ELF1: variants seen among roughly 807,000 people sequenced by gnomAD.
ELF1 encodes E74 like ETS transcription factor 1, also known as ETS-related transcription factor Elf-1.
In ELF1, 24 loss-of-function variants were observed where a neutral mutation model predicts 59.9. The ratio of observed to expected loss-of-function variants is 0.40; its 90% CI spans 0.29 to 0.56. ELF1 has a LOEUF of 0.56. Among genes scored for constraint, ELF1 ranks in the 20% least tolerant of loss-of-function variants. The pLI, the probability that ELF1 is intolerant of heterozygous loss-of-function variation, is 0.44. For synonymous variants in ELF1, 248 were observed against 266.2 expected (o/e 0.93, Z 0.67); for missense variants, 627 against 742.2 (o/e 0.84, Z 1.80).
intron 2 of ELF1, among the ~76,000 whole-genome samples, chr13:40,976,623 C>A (rs1872920520): frequency 6.6e-6 from 1 of 152,170 alleles, no homozygotes; most frequent in South Asian, 2.1e-4. Flanking sequence ...CTCACTGCAA[C>A]CTCCACCTAC....
intron 1 of ELF1, among the ~76,000 whole-genome samples, chr13:40,987,636 C>T (rs562584535): frequency 9.9e-4 from 130 of 131,784 alleles, no homozygotes; most frequent in African/African-American, 3.6e-3. Flanking sequence ...ATCAATCAAA[C>T]AAAAAGGTTT....
intron 8 of ELF1, among the ~76,000 whole-genome samples, chr13:40,940,409 A>AAAAAAAAAAC (rs1870071671): frequency 6.8e-6 from 1 of 146,572 alleles, no homozygotes; most frequent in African/African-American, 2.5e-5. Flanking sequence ...AAAAAAAAAA[A>AAAAAAAAAAC]AAAAAAAAAC....
intron 1 of ELF1, among the ~76,000 whole-genome samples, chr13:41,032,365 G>A (rs898445667): frequency 2.0e-5 from 3 of 151,494 alleles, no homozygotes; most frequent in African/African-American, 7.3e-5. Context: ...TTACAGGCAT[G>A]CACCACCATG....
intron 1 of ELF1, among the ~76,000 whole-genome samples, chr13:41,041,659 A>C (rs889450197): frequency 6.6e-6 from 1 of 151,610 alleles, no homozygotes; most frequent in Non-Finnish European, 1.5e-5. Context: ...TGAGCAACAG[A>C]GTGAGACCCT....
Position 40,943,830 on chromosome 13 carries a change from ACACAGTAGTACC to A in ELF1, c.613_613+11del, listed in dbSNP as rs1207435345. On this transcript the variant is annotated splice_donor_variant and splice_donor_5th_base_variant and coding_sequence_variant and intron_variant, in exon 6 of 9. Coordinates refer to ENST00000239882, the MANE Select transcript of ELF1 (RefSeq NM_172373.4). LOFTEE classifies it high-confidence loss of function. ...GAGTGTTATTTGACCTATAAGTATT[ACACAGTAGTACC>A]CTTTCCATCTTTGTTTTTCTTCTTC... 1 of 1,608,856 alleles carries A rather than the reference ACACAGTAGTACC, an allele frequency of 6.2e-7. No individual in the cohort carries two copies. The highest frequency in any genetic ancestry group is 8.5e-7 in the Non-Finnish European group (1 of 1,176,574).
exon 1 of ELF1, chr13:41,060,929 CGCCGCCGCCGCCGCCGCTGCT>C (rs1877566735): frequency 2.8e-6 from 1 of 363,528 alleles, no homozygotes; most frequent in Admixed American, 3.4e-5. Flanking sequence ...CCGCCGCCGC[CGCCGCCGCCGCCGCCGCTGCT>C]GCTGCCCACA....
At chr13:41,009,001 T>C (rs1482961729) in intron 1 of ELF1, among the ~76,000 whole-genome samples, 2 of 151,920 alleles carry the variant, frequency 1.3e-5, no homozygotes, top group Non-Finnish European at 2.9e-5. Context: ...GTTGCCTGGG[T>C]TGGACTTGAA....
chr13:40,940,738 C>A (rs1426237970), intron 8 of ELF1, among the ~76,000 whole-genome samples, 183 bp downstream of exon 8: 3 of 152,074 alleles, frequency 2.0e-5, no homozygotes, highest in Non-Finnish European at 4.4e-5. Context: ...AATAAAGGGA[C>A]CAGTGGCATA....
chr13:41,048,276 C>T lies in ELF1; in HGVS notation c.-229+12562G>A, dbSNP rs570386655. 7.0e-4 allele frequency among the ~76,000 whole-genome samples: 106 copies of T among 152,348 alleles called. 1 individual carries two copies. The highest frequency in any genetic ancestry group is 2.5e-3 in the African/African-American group (103 of 41,572). ...CGGCTCACGCTCGGTGGCCTGCACC[C>T]ACTGTCTTGCACACACTGTCCGACA... On this transcript the variant is annotated intron_variant, in intron 1 of 1. Coordinates refer to the ELF1 transcript ENST00000405737.
chr13:40,947,818 T>C (rs761972156), intron 5 of ELF1, among the ~76,000 whole-genome samples: 5 of 152,212 alleles, frequency 3.3e-5, no homozygotes, highest in Non-Finnish European at 7.3e-5. Context: ...TAGGAAACCC[T>C]AGGATTAGTT....
At chr13:40,991,839 C>G (rs1288667933) in intron 1 of ELF1, among the ~76,000 whole-genome samples, 5 of 152,036 alleles carry the variant, frequency 3.3e-5, no homozygotes, top group East Asian at 3.9e-4. Flanking sequence ...ATCTATCTAT[C>G]TATGTATGTC....
At chr13:40,987,799 G>T (rs1480366315) in intron 1 of ELF1, among the ~76,000 whole-genome samples, 1 of 152,072 alleles carries the variant, frequency 6.6e-6, no homozygotes, top group Non-Finnish European at 1.5e-5. Flanking sequence ...TAAAAAACTG[G>T]AATGCTACAG....
intron 1 of ELF1, among the ~76,000 whole-genome samples, chr13:41,026,984 C>T (rs573290658): frequency 4.6e-5 from 7 of 152,296 alleles, no homozygotes; most frequent in Admixed American, 1.3e-4. Context: ...CACCCAAAAG[C>T]GGACAGCTGC....
intron 7 of ELF1, among the ~76,000 whole-genome samples, chr13:40,942,249 T>C (rs572136205): frequency 6.6e-6 from 1 of 152,296 alleles, no homozygotes; most frequent in East Asian, 1.9e-4. Flanking sequence ...AAACTGTAAT[T>C]AAAGAGTTTT....
Position 41,019,289 on chromosome 13 carries a change from T to G in ELF1, c.-290A>C. 11 of 985,422 alleles carry G rather than the reference T, an allele frequency of 1.1e-5. No individual in the cohort carries two copies. Among genetic ancestry groups the G allele is most frequent in the Non-Finnish European group, 1.3e-5 (11 of 829,926 alleles). 61.0% of individuals were successfully genotyped at this position (985,422 alleles called of 1,614,324 possible). On this transcript the variant is annotated 5_prime_UTR_variant, in exon 1 of 9. Coordinates refer to ENST00000239882, the MANE Select transcript of ELF1 (RefSeq NM_172373.4). ...AAAATAAAAAGCAATCCGACAAGTT[T>G]TAGCTGTTAAAATGGCTCCTGTAGA...
chr13:41,057,457 G>C (rs948686781), intron 1 of ELF1, among the ~76,000 whole-genome samples: 4 of 151,364 alleles, frequency 2.6e-5, no homozygotes, highest in Non-Finnish European at 5.9e-5. Context: ...GCAGTGGCAC[G>C]ATCCTGAGAT....
At chr13:40,982,972 A>C in intron 1 of ELF1, 1 of 581,800 alleles carries the variant, frequency 1.7e-6, no homozygotes, top group Non-Finnish European at 2.2e-6. Context: ...CGTCATGGCA[A>C]ATTAGAACAT....
At position 41,011,584 on chromosome 13, in the gene ELF1, C is replaced by T. The variant is rs539630526; in HGVS notation, c.-229+7644G>A. On this transcript the variant is annotated intron_variant, in intron 1 of 8. Coordinates refer to ENST00000239882, the MANE Select transcript of ELF1 (RefSeq NM_172373.4). The stretch of plus-strand genomic sequence containing the variant: ...TCAGCTCCCCAAGTGGCTGGGACTA[C>T]AGTCACTCACCATCATGCCTGGCTT... 2.6e-5 allele frequency among the ~76,000 whole-genome samples: 4 copies of T among 152,208 alleles called. No individual in the cohort carries two copies. The South Asian group carries it at 8.3e-4, about 32-fold the overall frequency.
chr13:40,966,879 A>G (rs528364996), intron 2 of ELF1, among the ~76,000 whole-genome samples: 1 of 152,356 alleles, frequency 6.6e-6, no homozygotes, highest in South Asian at 2.1e-4. Flanking sequence ...AGCAGACACT[A>G]CTTTTTAAAG....
Sources: gnomAD v4.1 joint callset for allele counts (sites outside exome capture counted in the v4.1 genomes callset) on GRCh38, gnomAD v4.1.1 for gene constraint, MANE v1.5 for transcripts, NCBI Gene and HGNC (gene_info 2026-07-23, HGNC 2026-07-21) for gene names.